ARL15: variants seen among roughly 807,000 people sequenced by gnomAD.
The protein encoded by ARL15 is ADP-ribosylation factor-like protein 15.
Under a neutral mutation model 25.2 loss-of-function variants are expected in ARL15, and 19 were observed. The observed-to-expected ratio is 0.75, with a 90% CI of 0.53 to 1.10. ARL15 has a LOEUF of 1.10. ARL15 is among the 50% of genes least tolerant of loss of function. The probability of loss-of-function intolerance (pLI) is 0.00; values close to 1 mark genes in which losing one functional copy is unlikely to be tolerated. For missense variants in ARL15, 220 were observed against 246.0 expected, an observed-to-expected ratio of 0.89 and a Z score of 0.71; for synonymous variants, 94 against 86.8, an observed-to-expected ratio of 1.08 and a Z score of -0.46.
intron 1 of ARL15, among the ~76,000 whole-genome samples, chr5:54,217,599 G>A (rs1366089490): frequency 6.6e-6 from 1 of 152,068 alleles, no homozygotes; most frequent in Non-Finnish European, 1.5e-5. Flanking sequence ...TCTTAGCAGA[G>A]TTCAAAAGTA....
intron 4 of ARL15, among the ~76,000 whole-genome samples, chr5:54,080,439 T>C (rs904594340): frequency 1.5e-4 from 23 of 152,218 alleles, no homozygotes; most frequent in Non-Finnish European, 8.8e-5. Context: ...TTTCAGCCAG[T>C]AAATTATTTT....
intron 1 of ARL15, among the ~76,000 whole-genome samples, chr5:54,208,452 T>C (rs1755938030): frequency 6.6e-6 from 1 of 151,794 alleles, no homozygotes; most frequent in Non-Finnish European, 1.5e-5. Context: ...AAGCACACCA[T>C]GAAATTTCAG....
At chr5:54,043,106 C>T (rs578062673) in intron 4 of ARL15, among the ~76,000 whole-genome samples, 4 of 152,114 alleles carry the variant, frequency 2.6e-5, no homozygotes, top group East Asian at 1.9e-4. Flanking sequence ...AATGCCTGTT[C>T]GTCTTTTGGG....
At chr5:53,989,040 T>C (rs996306152) in intron 4 of ARL15, among the ~76,000 whole-genome samples, 1 of 152,158 alleles carries the variant, frequency 6.6e-6, no homozygotes, top group African/African-American at 2.4e-5. Context: ...TAAATGGTTC[T>C]TGCAGATATA....
At chr5:54,071,731 G>A (rs1185211707) in intron 4 of ARL15, among the ~76,000 whole-genome samples, 1 of 151,984 alleles carries the variant, frequency 6.6e-6, no homozygotes. Flanking sequence ...CAGCACTTTG[G>A]GAGGCTGAGG....
intron 1 of ARL15, among the ~76,000 whole-genome samples, chr5:54,202,657 T>C (rs773953824): frequency 7.2e-5 from 11 of 152,142 alleles, no homozygotes; most frequent in Non-Finnish European, 1.6e-4. Context: ...TTTGTGGTAA[T>C]ATACTAGCAA....
chr5:54,247,786 A>T (rs1757129336), intron 1 of ARL15, among the ~76,000 whole-genome samples: 1 of 152,178 alleles, frequency 6.6e-6, no homozygotes, highest in African/African-American at 2.4e-5. Flanking sequence ...ATAACATACT[A>T]ATTTATGGAC....
At chr5:53,946,625 A>C (rs1746745102) in intron 4 of ARL15, among the ~76,000 whole-genome samples, 1 of 152,196 alleles carries the variant, frequency 6.6e-6, no homozygotes. Context: ...AGCGGTGCCC[A>C]TGAATAGAAG....
At chr5:53,934,641 G>A (rs775378210) in intron 4 of ARL15, among the ~76,000 whole-genome samples, 21 of 152,012 alleles carry the variant, frequency 1.4e-4, no homozygotes, top group African/African-American at 3.6e-4. Flanking sequence ...AGAATAATGC[G>A]GTAGTCAAAA....
intron 4 of ARL15, among the ~76,000 whole-genome samples, chr5:54,064,220 C>T (rs1309453318): frequency 3.3e-5 from 5 of 152,032 alleles, no homozygotes; most frequent in Non-Finnish European, 7.4e-5. Context: ...AAAAGAGTCA[C>T]GAGTATTCTA....
chr5:54,168,412 T>A (rs59384947), intron 2 of ARL15, among the ~76,000 whole-genome samples: 31,846 of 148,480 alleles, frequency 0.21, 4,030 homozygotes, highest in East Asian at 0.68. Context: ...TTTTTTTTTT[T>A]AACAATTCAC....
chr5:53,961,488 T>A (rs998048859), intron 4 of ARL15, among the ~76,000 whole-genome samples: 3 of 112,214 alleles, frequency 2.7e-5, no homozygotes, highest in Non-Finnish European at 5.2e-5. Context: ...ACAGAGAGAC[T>A]CTGTCTCAAA....
chr5:54,121,630 T>C (rs779574165), intron 3 of ARL15, among the ~76,000 whole-genome samples: 4 of 152,088 alleles, frequency 2.6e-5, no homozygotes, highest in Non-Finnish European at 5.9e-5. Flanking sequence ...CAGTACACAA[T>C]TTTCCTTGAA....
chr5:54,137,259 G>A (rs201121130), intron 3 of ARL15, among the ~76,000 whole-genome samples: 2 of 152,218 alleles, frequency 1.3e-5, no homozygotes, highest in East Asian at 1.9e-4. Flanking sequence ...GCACATGGCC[G>A]TCCTGCACTT....
chr5:54,203,314 C>T (rs1417497515), intron 1 of ARL15, among the ~76,000 whole-genome samples: 6 of 152,156 alleles, frequency 3.9e-5, no homozygotes, highest in Admixed American at 3.9e-4. Flanking sequence ...AACTGAATAA[C>T]ATTTAACTTC....
rs530681902 is a variant in ARL15, at chr5:53,974,404, G to A, written c.463-87691C>T. ...CCCTTAAATGTAATCTATAAAACACGCCCTGCCCCTTTAAGGAATTTCTGC... is the reference window on the plus strand; with the variant it reads ...CCCTTAAATGTAATCTATAAAACACACCCTGCCCCTTTAAGGAATTTCTGC... On this transcript the variant is annotated intron_variant, in intron 4 of 4. Coordinates refer to ENST00000504924, the MANE Select transcript of ARL15 (RefSeq NM_019087.3). 1.1e-4 allele frequency among the ~76,000 whole-genome samples: 17 copies of A among 152,180 alleles called. No homozygotes were observed. The South Asian group carries it at 1.5e-3, about 13-fold the overall frequency.
intron 3 of ARL15, among the ~76,000 whole-genome samples, chr5:54,124,854 C>G (rs1753194608): frequency 6.6e-6 from 1 of 152,098 alleles, no homozygotes. Context: ...GCTACCCCTT[C>G]ATGTTTGTGG....
Position 54,275,934 on chromosome 5 carries a change from C to T in ARL15, c.48+34498G>A, listed in dbSNP as rs543601466. ...GGTCTCGATCTCCTGACCTCGTGATCCGCCCACCTCGGCCTCCCAAAGAGA... is the reference window on the plus strand; with the variant it reads ...GGTCTCGATCTCCTGACCTCGTGATTCGCCCACCTCGGCCTCCCAAAGAGA... On this transcript the variant is annotated intron_variant, in intron 1 of 4. Coordinates refer to ENST00000504924, the MANE Select transcript of ARL15 (RefSeq NM_019087.3). 7.1e-4 allele frequency among the ~76,000 whole-genome samples: 107 copies of T among 150,816 alleles called. No individual in the cohort carries two copies. In the Middle Eastern group the frequency reaches 0.01, roughly 15 times the overall value.
chr5:53,998,785 G>T (rs935134435), intron 4 of ARL15, among the ~76,000 whole-genome samples: 2 of 152,174 alleles, frequency 1.3e-5, no homozygotes, highest in South Asian at 2.1e-4. Context: ...AAAAGGCCTG[G>T]TCCCTGCTTA....
Sources: allele counts gnomAD v4.1 joint callset (sites outside exome capture counted in the v4.1 genomes callset), GRCh38; gene constraint gnomAD v4.1.1; transcripts MANE v1.5; gene names NCBI Gene and HGNC (gene_info 2026-07-23, HGNC 2026-07-21).